Variants in ALDH1A2 observed in about 807,000 individuals in gnomAD.
ALDH1A2 encodes retinal dehydrogenase 2.
A neutral mutation model predicts 60.3 loss-of-function variants in ALDH1A2; 27 were observed. The observed-to-expected ratio is 0.45, with a 90% confidence interval of 0.33 to 0.62. The LOEUF (loss-of-function observed/expected upper bound fraction) is 0.62, where lower values mean the gene tolerates loss of function less well. Ranked by LOEUF, ALDH1A2 falls within the 20% of genes least tolerant of loss-of-function variation. The pLI, the probability that ALDH1A2 is intolerant of heterozygous loss-of-function variation, is 0.02. For missense variants in ALDH1A2, 581 were observed against 643.8 expected, an observed-to-expected ratio of 0.90 and a Z score of 1.06; for synonymous variants, 289 against 232.4, an observed-to-expected ratio of 1.24 and a Z score of -2.21.
intron 7 of ALDH1A2, among the ~76,000 whole-genome samples, chr15:57,985,444 A>G (rs1011906338): frequency 2.0e-5 from 3 of 152,160 alleles, no homozygotes; most frequent in African/African-American, 7.2e-5. Flanking sequence ...CCAAACTCAT[A>G]TTGCATTTAA....
chr15:57,965,970 G>A, intron 7 of ALDH1A2, 143 bp from the exon 8 acceptor site: 1 of 706,330 alleles, frequency 1.4e-6, no homozygotes, highest in Non-Finnish European at 2.6e-6. Context: ...ATCAGCTTGG[G>A]TTACAAGATG....
chr15:57,993,037 C>G lies in ALDH1A2; in HGVS notation c.592G>C (p.Ala198Pro). The change falls in exon 6 of 13, where the codon GCT (alanine) becomes CCT (proline). Residue 198 changes from alanine (A) to proline (P), a missense_variant. Ala to Pro is a conservative substitution (Grantham distance 27). Around this residue, in one of 2 missense-constraint regions of ALDH1A2, gnomAD observed 375 missense variants for 469.7 expected, o/e 0.80. Transcript: ENST00000249750. ...GTATTGCCACAGCACAAAGCTGGAG[C>G]TATTTTCCAGGCAAACATCAGCAGG... is the stretch of plus-strand genomic sequence containing the variant. The part of the protein sequence containing the change: ...FPLLMFAWKI[A>P]PALCCGNTVV... 1 of 1,613,222 alleles carries G rather than the reference C, an allele frequency of 6.2e-7. No individual in the cohort carries two copies. The highest frequency in any genetic ancestry group is 1.8e-4 in the Middle Eastern group (1 of 5,406).
At chr15:58,024,663 T>C (rs965346737) in intron 1 of ALDH1A2, among the ~76,000 whole-genome samples, 2 of 151,856 alleles carry the variant, frequency 1.3e-5, no homozygotes, top group Non-Finnish European at 2.9e-5. Context: ...AGGCAGAAAA[T>C]CAACCAAAAA....
At position 57,992,969 on chromosome 15, in the gene ALDH1A2, G is replaced by A; in HGVS notation, c.660C>T (p.Leu220=). The A allele has an allele frequency of 6.2e-7, 1 of 1,614,056 alleles. No homozygotes were observed. Reference sequence around the variant, plus strand: ...CCTCCTTGATGAGGGCTCCCATGTAGAGTGCACTGAGTGGTGTTTGCTCTG... The same window carrying A: ...CCTCCTTGATGAGGGCTCCCATGTAAAGTGCACTGAGTGGTGTTTGCTCTG... ...KPAEQTPLSA[L]YMGALIKEAG... The change falls in exon 6 of 13, where the codon CTC becomes CTT. Residue 220 remains leucine (L), a synonymous_variant. Coordinates refer to ENST00000249750, the MANE Select transcript of ALDH1A2 (RefSeq NM_003888.4).
At chr15:58,030,634 G>A (rs147429487) in intron 1 of ALDH1A2, among the ~76,000 whole-genome samples, 2,150 of 152,158 alleles carry the variant, frequency 0.014, 24 homozygotes, top group African/African-American at 0.033. Flanking sequence ...TGTATATTTC[G>A]AAAACCCCAT....
chr15:58,030,748 G>C (rs1896214690), intron 1 of ALDH1A2, among the ~76,000 whole-genome samples: 2 of 152,000 alleles, frequency 1.3e-5, no homozygotes, highest in South Asian at 4.1e-4. Flanking sequence ...ATAACGGACA[G>C]AGAGCCAAAT....
At chr15:58,011,971 A>G (rs1032834554) in intron 3 of ALDH1A2, 1 of 152,198 alleles carries the variant, frequency 6.6e-6, no homozygotes, top group African/African-American at 2.4e-5. Flanking sequence ...ATCCACTGAC[A>G]ATTGCCAGCT....
chr15:57,961,216 CA>C lies in ALDH1A2; in HGVS notation c.1329del (p.Phe443LeufsTer4), dbSNP rs775277243. ...TTAGTAAAGACAGCTGCTACGAGTC[CA>C]AAGTCTGAGTTATTGGCTCTTTCGA... ...EVIERANNSD[F>X]GLVAAVFTND... On this transcript the variant is annotated frameshift_variant, in exon 11 of 13. Coordinates refer to ENST00000249750, the MANE Select transcript of ALDH1A2 (RefSeq NM_003888.4). LOFTEE classifies it high-confidence loss of function. The C allele has an allele frequency of 3.1e-6, 5 of 1,614,102 alleles. No individual in the cohort carries two copies. Among genetic ancestry groups the C allele is most frequent in the Non-Finnish European group, 3.4e-6 (4 of 1,179,998 alleles).
rs547423132 is a variant in ALDH1A2, at chr15:57,954,862, G to A, written c.*335C>T. On this transcript the variant is annotated 3_prime_UTR_variant, in exon 13 of 13. Transcript: ENST00000249750. The stretch of plus-strand genomic sequence containing the variant: ...AAGGTCACCTTTCCTTGAGAGGAAA[G>A]TTCTTTGTGACAAAGACATGAAATA... 2.8e-6 allele frequency: 1 copy of A among 358,614 alleles called. No homozygotes were observed. The highest frequency in any genetic ancestry group is 3.0e-5 in the South Asian group (1 of 32,894). The allele number at this position is 358,614 out of a possible 1,614,324, so 22.2% of individuals were successfully genotyped here.
At chr15:57,958,015 C>T (rs1008923050) in intron 12 of ALDH1A2, among the ~76,000 whole-genome samples, 7 of 152,044 alleles carry the variant, frequency 4.6e-5, no homozygotes, top group South Asian at 2.1e-4. Context: ...CCTGCTGGAA[C>T]GGAGGTGCTT....
At chr15:57,980,475 TC>T (rs1275243004) in intron 7 of ALDH1A2, 1 of 288,094 alleles carries the variant, frequency 3.5e-6, no homozygotes, top group Non-Finnish European at 7.3e-6. Flanking sequence ...CATAAGATAA[TC>T]CCGTCCTTCA....
At chr15:57,981,999 A>G (rs1894531850) in intron 7 of ALDH1A2, among the ~76,000 whole-genome samples, 1 of 152,194 alleles carries the variant, frequency 6.6e-6, no homozygotes, top group Non-Finnish European at 1.5e-5. Context: ...TGGAAGAGCA[A>G]GAGACGACAA....
chr15:58,025,726 A>G (rs534497243), intron 1 of ALDH1A2, among the ~76,000 whole-genome samples: 2 of 152,372 alleles, frequency 1.3e-5, no homozygotes, highest in East Asian at 1.9e-4. Flanking sequence ...TCTGCAGGCC[A>G]TATGAGAAGT....
At chr15:58,024,594 C>T (rs567322065) in intron 1 of ALDH1A2, among the ~76,000 whole-genome samples, 1 of 152,238 alleles carries the variant, frequency 6.6e-6, no homozygotes, top group South Asian at 2.1e-4. Context: ...AATAGACAGA[C>T]TACAATACAA....
chr15:58,023,000 A>T (rs1295171535), intron 1 of ALDH1A2, among the ~76,000 whole-genome samples: 3 of 152,250 alleles, frequency 2.0e-5, no homozygotes, highest in Non-Finnish European at 4.4e-5. Context: ...AACAGATCTT[A>T]ATCAGAAAAT....
intron 1 of ALDH1A2, among the ~76,000 whole-genome samples, chr15:58,058,736 A>T (rs1566963545): frequency 6.6e-6 from 1 of 152,180 alleles, no homozygotes; most frequent in African/African-American, 2.4e-5. Context: ...TGGCTCTCCA[A>T]AGGTCAGACA....
At chr15:58,009,709 T>C (rs1371055224) in intron 4 of ALDH1A2, among the ~76,000 whole-genome samples, 1 of 151,950 alleles carries the variant, frequency 6.6e-6, no homozygotes, top group Non-Finnish European at 1.5e-5. Context: ...TTGAATTCTC[T>C]AATGAAGTGG....
Position 58,013,908 on chromosome 15 carries a change from G to A in ALDH1A2, c.313C>T (p.Leu105=). 6.2e-7 allele frequency: 1 copy of A among 1,614,140 alleles called. No homozygotes were observed. Residue 105 remains leucine, a synonymous_variant, in exon 3 of 13, where the codon CTG becomes TTG. Transcript: ENST00000249750. ...ACCAAGTCTGCAAGCTTATCCAACAGACGTCCCCTTTCTGAAGCATCCATC... is the reference window on the plus strand; with the variant it reads ...ACCAAGTCTGCAAGCTTATCCAACAAACGTCCCCTTTCTGAAGCATCCATC... ...RRMDASERGR[L]LDKLADLVER...
intron 1 of ALDH1A2, among the ~76,000 whole-genome samples, chr15:58,030,359 T>G (rs1272857216): frequency 6.6e-6 from 1 of 152,194 alleles, no homozygotes; most frequent in Non-Finnish European, 1.5e-5. Flanking sequence ...TTAAAAACTC[T>G]CAATAAACTA....
Sources: allele counts gnomAD v4.1 joint callset (sites outside exome capture counted in the v4.1 genomes callset), GRCh38; gene constraint gnomAD v4.1.1; regional missense constraint gnomAD v4.1.1; transcripts MANE v1.5; gene names NCBI Gene and HGNC (gene_info 2026-07-23, HGNC 2026-07-21).